Variants in FHIT observed in about 807,000 individuals in gnomAD.
The protein encoded by FHIT is fragile histidine triad diadenosine triphosphatase.
A neutral mutation model predicts 17.9 loss-of-function variants in FHIT; 19 were observed. The observed-to-expected ratio is 1.06, with a 90% CI of 0.74 to 1.56. The LOEUF (loss-of-function observed/expected upper bound fraction) is 1.56. Among genes scored for constraint, FHIT ranks in the 40% most tolerant of loss-of-function variants. FHIT has a pLI of 0.00. For synonymous variants in FHIT, 81 were observed against 69.7 expected (o/e 1.16, Z -0.81); for missense variants, 248 against 189.2 (o/e 1.31, Z -1.82).
chr3:60,248,461 A>C (rs537260221), intron 5 of FHIT, among the ~76,000 whole-genome samples: 1 of 152,144 alleles, frequency 6.6e-6, no homozygotes, highest in African/African-American at 2.4e-5. Flanking sequence ...AAATGGAATG[A>C]TTCTTGGCTT....
intron 7 of FHIT, among the ~76,000 whole-genome samples, chr3:60,006,512 G>T (rs1699930182): frequency 6.6e-6 from 1 of 152,122 alleles, no homozygotes; most frequent in Non-Finnish European, 1.5e-5. Context: ...GCAGGGCCGG[G>T]ATTTGAACTG....
chr3:59,764,581 A>G (rs1490615149), intron 8 of FHIT, among the ~76,000 whole-genome samples: 1 of 152,204 alleles, frequency 6.6e-6, no homozygotes, highest in African/African-American at 2.4e-5. Context: ...TGTGAGTTGC[A>G]CAAACAAATT....
chr3:60,425,349 C>T (rs1162756996), intron 5 of FHIT, among the ~76,000 whole-genome samples: 1 of 152,100 alleles, frequency 6.6e-6, no homozygotes, highest in Admixed American at 6.6e-5. Context: ...AAGACCACTG[C>T]CAAAGATGAT....
At chr3:60,509,975 C>T (rs138414586) in intron 5 of FHIT, among the ~76,000 whole-genome samples, 1 of 152,262 alleles carries the variant, frequency 6.6e-6, no homozygotes, top group African/African-American at 2.4e-5. Context: ...TGATACAAAC[C>T]CTAGCAGCTT....
chr3:60,631,771 C>T (rs970141816), intron 4 of FHIT, among the ~76,000 whole-genome samples: 1 of 152,170 alleles, frequency 6.6e-6, no homozygotes, highest in Non-Finnish European at 1.5e-5. Flanking sequence ...ACGTGGGCAC[C>T]GTGCCTTTCC....
chr3:61,044,624 T>A (rs116341823), intron 2 of FHIT, among the ~76,000 whole-genome samples: 2 of 151,868 alleles, frequency 1.3e-5, no homozygotes, highest in African/African-American at 4.8e-5. Context: ...ATTCAGGAAA[T>A]ACAGAGACGC....
chr3:59,968,967 C>T (rs9875209), intron 7 of FHIT, among the ~76,000 whole-genome samples: 4,038 of 152,210 alleles, frequency 0.027, 202 homozygotes, highest in African/African-American at 0.092. Flanking sequence ...TCTTCATCTT[C>T]GAATTTTGCT....
At chr3:59,848,033 C>G (rs1701786074) in intron 8 of FHIT, among the ~76,000 whole-genome samples, 1 of 152,176 alleles carries the variant, frequency 6.6e-6, no homozygotes, top group East Asian at 1.9e-4. Flanking sequence ...GCTACCACCT[C>G]TTTTTTGTAC....
intron 5 of FHIT, among the ~76,000 whole-genome samples, chr3:60,066,689 C>G: frequency 1.1e-5 from 1 of 90,730 alleles, no homozygotes; most frequent in African/African-American, 4.0e-5. Flanking sequence ...TGGAGTCTTG[C>G]TCTGTCACCC....
intron 4 of FHIT, among the ~76,000 whole-genome samples, chr3:60,574,468 T>C (rs1251540804): frequency 4.6e-5 from 7 of 151,464 alleles, no homozygotes; most frequent in Admixed American, 4.6e-4. Flanking sequence ...TACCTGGTGA[T>C]GGGGCACAGT....
chr3:59,987,975 A>G (rs1015330977), intron 7 of FHIT, among the ~76,000 whole-genome samples: 1 of 152,084 alleles, frequency 6.6e-6, no homozygotes, highest in South Asian at 2.1e-4. Flanking sequence ...CTACAGAAAA[A>G]TGCCTCATGT....
intron 3 of FHIT, among the ~76,000 whole-genome samples, chr3:60,985,270 C>T (rs1224662937): frequency 6.6e-6 from 1 of 151,998 alleles, no homozygotes; most frequent in Non-Finnish European, 1.5e-5. Context: ...ACTTCTGGAC[C>T]CTTGCACAAA....
intron 8 of FHIT, among the ~76,000 whole-genome samples, chr3:59,902,013 A>T (rs1704350591): frequency 2.0e-5 from 3 of 152,238 alleles, no homozygotes; most frequent in Admixed American, 6.5e-5. Flanking sequence ...GAGACAATTT[A>T]CAAAATGGGA....
At chr3:60,915,572 A>G (rs1332755026) in intron 3 of FHIT, among the ~76,000 whole-genome samples, 1 of 152,194 alleles carries the variant, frequency 6.6e-6, no homozygotes, top group Non-Finnish European at 1.5e-5. Flanking sequence ...GGATAGAAGC[A>G]TTGGAAGAAA....
chr3:60,319,927 C>T (rs1313904424), intron 5 of FHIT, among the ~76,000 whole-genome samples: 1 of 152,076 alleles, frequency 6.6e-6, no homozygotes, highest in Non-Finnish European at 1.5e-5. Flanking sequence ...GGAAGAAAAA[C>T]AGGAAAACGA....
chr3:61,049,501 G>A (rs1054040483), intron 2 of FHIT, among the ~76,000 whole-genome samples: 1 of 152,080 alleles, frequency 6.6e-6, no homozygotes, highest in Non-Finnish European at 1.5e-5. Flanking sequence ...GTGTAAGCAT[G>A]ATAGGGAACT....
Position 59,748,721 on chromosome 3 carries a change from G to T in FHIT, c.*864C>A, listed in dbSNP as rs1700725692. On this transcript the variant is annotated 3_prime_UTR_variant, in exon 10 of 10. Transcript: ENST00000492590. ...AAGGAGGGCAGTACACAGACTAAGA[G>T]AATGGCCTTTAGGGTGGGACTGCCT... Among the ~76,000 whole-genome samples, 1 of 152,150 alleles carries T rather than the reference G, an allele frequency of 6.6e-6. No individual in the cohort carries two copies. Among genetic ancestry groups the T allele is most frequent in the East Asian group, 1.9e-4 (1 of 5,188 alleles).
chr3:60,400,883 G>T (rs1358026333), intron 5 of FHIT, among the ~76,000 whole-genome samples: 2 of 151,966 alleles, frequency 1.3e-5, no homozygotes, highest in South Asian at 4.1e-4. Context: ...ACATTTAAAA[G>T]TGAGATCATT....
intron 5 of FHIT, among the ~76,000 whole-genome samples, chr3:60,258,421 C>G (rs1416807156): frequency 6.6e-6 from 1 of 152,122 alleles, no homozygotes; most frequent in Non-Finnish European, 1.5e-5. Flanking sequence ...ATAATTAATG[C>G]TCTCCCTGTA....
Sources: gnomAD v4.1 joint callset for allele counts (sites outside exome capture counted in the v4.1 genomes callset) on GRCh38, gnomAD v4.1.1 for gene constraint, MANE v1.5 for transcripts, NCBI Gene and HGNC (gene_info 2026-07-23, HGNC 2026-07-21) for gene names.